The following COL5A3 variants were observed in gnomAD, a reference collection of about 807,000 sequenced individuals.
COL5A3 encodes collagen type V alpha 3 chain.
In COL5A3, 172 loss-of-function variants were observed where a neutral mutation model predicts 250.0. The observed-to-expected ratio is 0.69, with a 90% confidence interval of 0.61 to 0.78. The LOEUF (loss-of-function observed/expected upper bound fraction) is 0.78. Ranked by LOEUF, COL5A3 falls within the 30% of genes least tolerant of loss-of-function variation. The probability of loss-of-function intolerance (pLI) is 0.00; values close to 1 mark genes in which losing one functional copy is unlikely to be tolerated. For synonymous variants in COL5A3, 937 were observed against 900.4 expected (o/e 1.04, Z -0.73); for missense variants, 2,340 against 2,334.4 (o/e 1.00, Z -0.05).
Position 9,982,090 on chromosome 19 carries a change from C to A in COL5A3, c.2435G>T (p.Gly812Val). Residue 812 changes from glycine (G) to valine (V), a missense_variant, in exon 32 of 67, where the codon GGA (glycine) becomes GTA (valine). Transcript: ENST00000264828. Reference protein sequence around the residue: ...KGSIGFPGPLGPIGEKGKSGK... With the variant: ...KGSIGFPGPLVPIGEKGKSGK... Reference sequence around the variant, plus strand: ...CGACTTCCCTTTCTCTCCTATGGGTCCCAGGGGACCGGGAAATCCAATAGA... The same window carrying A: ...CGACTTCCCTTTCTCTCCTATGGGTACCAGGGGACCGGGAAATCCAATAGA... The A allele has an allele frequency of 6.2e-7, 1 of 1,608,328 alleles. No homozygotes were observed. Among genetic ancestry groups the A allele is most frequent in the Non-Finnish European group, 8.5e-7 (1 of 1,177,322 alleles).
At chr19:9,973,085 G>T in intron 50 of COL5A3, 59 bp from the exon 51 acceptor site, 1 of 1,443,830 alleles carries the variant, frequency 6.9e-7, no homozygotes, top group Non-Finnish European at 9.4e-7. Context: ...TCAAGGATTA[G>T]CATACTTGGA....
rs1472604019 is a variant in COL5A3 at position 9,977,247 on chromosome 19, T to C, written c.3270A>G (p.Lys1090=). The C allele has an allele frequency of 1.2e-6, 2 of 1,613,712 alleles. No homozygotes were observed. Among genetic ancestry groups the C allele is most frequent in the Non-Finnish European group, 1.7e-6 (2 of 1,179,780 alleles). ...CACTCACCGCGTCTCCTTTATCGCC[T>C]TTACTCCCCTTGTGTCCGGGGGCAC... ...DVGAPGHKGS[K]GDKGDAGPPG... The change falls in exon 44 of 67, where the codon AAA becomes AAG. Residue 1090 remains lysine (K), a synonymous_variant. Coordinates refer to ENST00000264828, the MANE Select transcript of COL5A3 (RefSeq NM_015719.4).
intron 28 of COL5A3, 37 bp from the exon 29 acceptor site, chr19:9,986,643 CG>C: frequency 6.2e-7 from 1 of 1,613,754 alleles, no homozygotes; most frequent in Non-Finnish European, 8.5e-7. Context: ...GTGAGGGCCT[CG>C]GGGAAGGGAC....
intron 31 of COL5A3, among the ~76,000 whole-genome samples, chr19:9,983,989 T>C: frequency 6.6e-6 from 1 of 151,788 alleles, no homozygotes; most frequent in East Asian, 1.9e-4. Flanking sequence ...TGTGAAACTC[T>C]AGGAGGATTC....
chr19:10,010,327 G>C lies in COL5A3; in HGVS notation c.59C>G (p.Ala20Gly), dbSNP rs1286462147. ...PRAGLCLLLA[A>G]LQLLPGTQAD... is the part of the protein sequence containing the mutation. The stretch of plus-strand genomic sequence containing the variant: ...CTGCGTCCCCGGCAGAAGCTGCAGC[G>C]CGGCCAGGAGCAGGCAGAGACCGGC... The change falls in exon 1 of 67, where the codon GCG becomes GGG. Residue 20 changes from alanine to glycine, a missense_variant. By Grantham distance (60) the Ala-to-Gly change is moderately conservative. Transcript: ENST00000264828. 6.8e-7 allele frequency: 1 copy of C among 1,466,206 alleles called. No homozygotes were observed. The highest frequency in any genetic ancestry group is 2.5e-5 in the Admixed American group (1 of 40,294). 90.8% of individuals were successfully genotyped at this position (1,466,206 alleles called of 1,614,324 possible).
rs760674323 is a variant in COL5A3, at chr19:9,983,576, GAA to G, written c.2407-1460_2407-1459del. ...AGAAAGAAAGAAAGAAAGAAAGAAA[GAA>G]AGAAAGAAAGAAAGAAAGAAAGAGA... On this transcript the variant is annotated intron_variant, in intron 31 of 66. Coordinates refer to ENST00000264828, the MANE Select transcript of COL5A3 (RefSeq NM_015719.4). Among the ~76,000 whole-genome samples the G allele has an allele frequency of 5.7e-3, 388 of 68,312 alleles. 12 individuals carry two copies. The highest frequency in any genetic ancestry group is 0.012 in the African/African-American group (267 of 21,836). The allele number at this position is 68,312 out of a possible 152,430, so 44.8% of individuals were successfully genotyped here.
chr19:9,968,327 T>A lies in COL5A3; in HGVS notation c.4314+58A>T. 3 of 1,396,184 alleles carry A rather than the reference T, an allele frequency of 2.1e-6. No individual in the cohort carries two copies. Among genetic ancestry groups the A allele is most frequent in the East Asian group, 4.6e-5 (2 of 43,126 alleles). The allele number at this position is 1,396,184 out of a possible 1,614,324, so 86.5% of individuals were successfully genotyped here. A position where few individuals can be genotyped will look rare whatever the true frequency, so the allele number is the denominator to read the frequency against. ...CGTTTCCCAGACCCCACACCCACAG[T>A]CTCTCAACCGACCCCCTCCTTCAAA... On this transcript the variant is annotated intron_variant, in intron 59 of 66. Coordinates refer to ENST00000264828, the MANE Select transcript of COL5A3 (RefSeq NM_015719.4). The surrounding 1 kb of genome is among the most constrained non-coding windows in gnomAD (Gnocchi z 4.1).
At chr19:9,993,101 G>A in intron 19 of COL5A3, 34 bp from the exon 20 acceptor site, 5 of 1,611,170 alleles carry the variant, frequency 3.1e-6, no homozygotes, top group Non-Finnish European at 4.2e-6. Context: ...GGAACAGGAA[G>A]GTACAACCCT....
intron 53 of COL5A3, 85 bp from the exon 54 acceptor site, chr19:9,970,760 C>G (rs1599534618): frequency 1.7e-6 from 2 of 1,199,200 alleles, no homozygotes; most frequent in South Asian, 4.0e-5. Flanking sequence ...CCAGAGGACA[C>G]CCTTCCCCAA....
At chr19:10,001,410 G>A in intron 8 of COL5A3, 114 bp downstream of exon 8, 2 of 1,070,540 alleles carry the variant, frequency 1.9e-6, no homozygotes, top group African/African-American at 1.6e-5. Context: ...GTCTCCCAAA[G>A]TGTTCGGATT....
rs1238831435 is a variant in COL5A3 at position 9,993,608 on chromosome 19, C to G, written c.1695+11G>C. On this transcript the variant is annotated intron_variant, in intron 18 of 66. Coordinates refer to ENST00000264828, the MANE Select transcript of COL5A3 (RefSeq NM_015719.4). ...GGGCTTAGACTTGGGGGAGGGACCT[C>G]ACACACTCACCCTTTGGCCCTTCTC... 108 of 1,613,724 alleles carry G rather than the reference C, an allele frequency of 6.7e-5. No individual in the cohort carries two copies. Among genetic ancestry groups the G allele is most frequent in the Non-Finnish European group, 9.1e-5 (107 of 1,179,820 alleles).
Position 9,990,392 on chromosome 19 carries a change from C to CA in COL5A3, c.1993-871dup, listed in dbSNP as rs879496349. ...CTGGACAACAAGAGTGAAATTCTGT[C>CA]AAAAAAAAAAAAAAAACTAAAATAG... is the stretch of plus-strand genomic sequence containing the variant. On this transcript the variant is annotated intron_variant, in intron 24 of 66. Transcript: ENST00000264828. Among the ~76,000 whole-genome samples the CA allele has an allele frequency of 6.7e-3, 549 of 81,670 alleles. 4 individuals are homozygous for CA. The highest frequency in any genetic ancestry group is 0.026 in the South Asian group (60 of 2,268). 53.6% of individuals were successfully genotyped at this position (81,670 alleles called of 152,430 possible).
At chr19:9,982,210 G>C in intron 31 of COL5A3, 92 bp from the exon 32 acceptor site, 1 of 835,856 alleles carries the variant, frequency 1.2e-6, no homozygotes, top group Admixed American at 2.8e-5. Context: ...GGCATTTCCA[G>C]GTCACTGATT....
intron 41 of COL5A3, among the ~76,000 whole-genome samples, chr19:9,978,193 C>T (rs753413669): frequency 2.0e-5 from 3 of 151,970 alleles, no homozygotes; most frequent in Non-Finnish European, 4.4e-5. Context: ...TGTGATCATA[C>T]ATGAGATAAG....
intron 11 of COL5A3, 41 bp downstream of exon 11, chr19:9,997,330 C>T (rs1471314666): frequency 6.7e-7 from 1 of 1,489,522 alleles, no homozygotes; most frequent in African/African-American, 1.4e-5. Context: ...CCCCAAACCT[C>T]ACTCCTCTGA....
chr19:9,972,933 C>A lies in COL5A3; in HGVS notation c.3760G>T (p.Ala1254Ser). 1 of 1,609,746 alleles carries A rather than the reference C, an allele frequency of 6.2e-7. No homozygotes were observed. Among genetic ancestry groups the A allele is most frequent in the Non-Finnish European group, 8.5e-7 (1 of 1,178,166 alleles). ...GKKGPPGEDG[A>S]KGSVGPTGLP... is the part of the protein sequence containing the mutation. ...CCAGGACTCACCACGCTCCCTTTGG[C>A]TCCATCCTCTCCAGGGGGACCTTTC... Residue 1254 changes from alanine to serine, a missense_variant, in exon 51 of 67, where the codon GCC becomes TCC. Physicochemically the swap from Ala to Ser is moderately conservative, Grantham distance 99 (BLOSUM62 1). Transcript: ENST00000264828.
rs144612215 is a variant in COL5A3 at position 10,010,006 on chromosome 19, C to T, written c.88+292G>A. Among the ~76,000 whole-genome samples the T allele has an allele frequency of 6.7e-4, 102 of 152,294 alleles. No individual in the cohort carries two copies. The South Asian group carries it at 7.5e-3, about 11-fold the overall frequency. ...ACACGCAAGCACATACGCAACTTCA[C>T]TCCAAATGCACACACATGCTACACA... On this transcript the variant is annotated intron_variant, in intron 1 of 66. Transcript: ENST00000264828.
chr19:9,969,618 C>A lies in COL5A3; in HGVS notation c.4055G>T (p.Gly1352Val), dbSNP rs1292508965. ...TGPMGARGPP[G>V]RVGPEGLRGI... ...TCGAAGACCCTCAGGCCCCACACGT[C>A]CAGGGGGCCCTCTAGCCCCCATTGG... Residue 1352 changes from glycine to valine, a missense_variant, in exon 56 of 67, where the codon GGA becomes GTA. Around this residue, in one of 3 missense-constraint regions of COL5A3, gnomAD observed 1,179 missense variants for 1,162.6 expected, o/e 1.01. Coordinates refer to ENST00000264828, the MANE Select transcript of COL5A3 (RefSeq NM_015719.4). 7 of 1,602,130 alleles carry A rather than the reference C, an allele frequency of 4.4e-6. No homozygotes were observed. Among genetic ancestry groups the A allele is most frequent in the Middle Eastern group, 1.7e-4 (1 of 6,012 alleles).
intron 47 of COL5A3, 57 bp downstream of exon 47, chr19:9,974,113 GC>G: frequency 6.4e-7 from 1 of 1,570,614 alleles, no homozygotes; most frequent in East Asian, 2.3e-5. Flanking sequence ...TCTAATGCCT[GC>G]CGCCAACCTA....
Sources: allele counts gnomAD v4.1 joint callset (sites outside exome capture counted in the v4.1 genomes callset), GRCh38; gene constraint gnomAD v4.1.1; regional missense constraint gnomAD v4.1.1; non-coding constraint Gnocchi (gnomAD v3.1); transcripts MANE v1.5; gene names NCBI Gene and HGNC (gene_info 2026-07-23, HGNC 2026-07-21).